The following TMPRSS5 variants were observed in gnomAD, a reference collection of about 807,000 sequenced individuals.
TMPRSS5 encodes transmembrane serine protease 5, also known as transmembrane protease serine 5.
TMPRSS5 carries 45 observed loss-of-function variants against 59.7 expected under a neutral mutation model. The ratio of observed to expected loss-of-function variants is 0.75; its 90% CI spans 0.59 to 0.97. TMPRSS5 has a LOEUF of 0.97. Among genes scored for constraint, TMPRSS5 ranks in the 50% least tolerant of loss-of-function variants. TMPRSS5 has a pLI of 0.00. For missense variants in TMPRSS5, 585 were observed against 596.7 expected (o/e 0.98, Z 0.20); for synonymous variants, 225 against 232.0 (o/e 0.97, Z 0.27).
At chr11:113,688,605 C>G (rs888325139) in intron 12 of TMPRSS5, among the ~76,000 whole-genome samples, 5 of 152,122 alleles carry the variant, frequency 3.3e-5, no homozygotes, top group African/African-American at 1.2e-4. Context: ...GAGTCCTGCT[C>G]TGTCGCCCAG....
At chr11:113,704,049 G>A (rs921568310) in intron 1 of TMPRSS5, among the ~76,000 whole-genome samples, 1 of 152,186 alleles carries the variant, frequency 6.6e-6, no homozygotes, top group Non-Finnish European at 1.5e-5. Flanking sequence ...CCACAGGGAT[G>A]AAGAGGGTTT....
At chr11:113,690,032 C>T in intron 11 of TMPRSS5, 115 bp from the exon 12 acceptor site, 1 of 1,288,244 alleles carries the variant, frequency 7.8e-7, no homozygotes. Flanking sequence ...CTGCTTCTAG[C>T]TGAGATATCT....
chr11:113,696,515 A>C (rs763132767), intron 6 of TMPRSS5, among the ~76,000 whole-genome samples: 1 of 152,226 alleles, frequency 6.6e-6, no homozygotes, highest in Non-Finnish European at 1.5e-5. Flanking sequence ...TCAAGGCTTG[A>C]CTTAGCTGCT....
In TMPRSS5 at chr11:113,694,381, G is replaced by C. The variant is rs1314928335; in HGVS notation, c.785+97C>G. 2.2e-6 allele frequency: 3 copies of C among 1,345,286 alleles called. No individual in the cohort carries two copies. In the East Asian group the frequency reaches 7.6e-5, roughly 34 times the overall value. 83.3% of individuals were successfully genotyped at this position (1,345,286 alleles called of 1,614,324 possible). A position where few individuals can be genotyped will look rare whatever the true frequency, so the allele number is the denominator to read the frequency against. On this transcript the variant is annotated intron_variant, in intron 8 of 12. Coordinates refer to ENST00000299882, the MANE Select transcript of TMPRSS5 (RefSeq NM_030770.4). ...CTTACCCTTTTGGAGCAAAAAGCTGGAGACAGTTGGACACGAACATTTGAT... is the reference window on the plus strand; with the variant it reads ...CTTACCCTTTTGGAGCAAAAAGCTGCAGACAGTTGGACACGAACATTTGAT...
Position 113,694,631 on chromosome 11 carries a change from G to A in TMPRSS5, c.632C>T (p.Ala211Val), listed in dbSNP as rs61995945. The stretch of plus-strand genomic sequence containing the variant: ...AACTATCCGGGAAGCCAGGGGCCTC[G>A]CTCCACACTCTGCCAACAGAGATGG... ...VVSLRCSECG[A>V]RPLASRIVGG... Residue 211 changes from alanine to valine, a missense_variant, in exon 8 of 13, where the codon GCG (alanine) becomes GTG (valine). Physicochemically the swap from Ala to Val is moderately conservative, Grantham distance 64. Coordinates refer to ENST00000299882, the MANE Select transcript of TMPRSS5 (RefSeq NM_030770.4). 1,267 of 1,546,798 alleles carry A rather than the reference G, an allele frequency of 8.2e-4. 13 individuals carry two copies. The African/African-American group carries it at 0.015, about 18-fold the overall frequency.
At chr11:113,688,388 T>G in intron 12 of TMPRSS5, 114 bp from the exon 13 acceptor site, 1 of 731,618 alleles carries the variant, frequency 1.4e-6, no homozygotes, top group Non-Finnish European at 2.4e-6. Context: ...TTCTATCAAA[T>G]GAGGCTAAAA....
At chr11:113,697,472 A>G (rs1044512911) in intron 4 of TMPRSS5, 54 bp from the exon 5 acceptor site, 2 of 1,591,968 alleles carry the variant, frequency 1.3e-6, no homozygotes, top group Non-Finnish European at 1.7e-6. Context: ...GTAGGGTGGG[A>G]CAGGAAGAGC....
At chr11:113,700,243 TC>T in intron 1 of TMPRSS5, 75 bp from the exon 2 acceptor site, 2 of 1,315,536 alleles carry the variant, frequency 1.5e-6, no homozygotes, top group Non-Finnish European at 1.0e-6. Flanking sequence ...CCAGTCCAAG[TC>T]CCCATTCTTT....
At position 113,693,099 on chromosome 11, in the gene TMPRSS5, C is replaced by T. The variant is rs769542823; in HGVS notation, c.936G>A (p.Leu312=). 1.9e-6 allele frequency: 3 copies of T among 1,581,912 alleles called. No individual in the cohort carries two copies. The highest frequency in any genetic ancestry group is 2.3e-5 in the South Asian group (2 of 86,248). Residue 312 remains leucine, a synonymous_variant, in exon 9 of 13, where the codon CTG becomes CTA. Transcript: ENST00000299882. ...AGAAGTTGAGAGCGGTCTGGAGCCT[C>T]AGGAGGGCGACGTCGTAGTCATGAT... ...AQNHDYDVAL[L]RLQTALNFSD...
intron 7 of TMPRSS5, among the ~76,000 whole-genome samples, 173 bp downstream of exon 7, chr11:113,695,227 C>A (rs1485322946): frequency 6.6e-6 from 1 of 152,110 alleles, no homozygotes; most frequent in Non-Finnish European, 1.5e-5. Flanking sequence ...AGAAAGGGTT[C>A]GGCTGGGGCA....
intron 1 of TMPRSS5, among the ~76,000 whole-genome samples, chr11:113,703,136 C>T (rs1953189649): frequency 2.0e-5 from 3 of 152,236 alleles, no homozygotes; most frequent in Admixed American, 2.0e-4. Flanking sequence ...TGAAAACAGC[C>T]AGAAGTGGGG....
At position 113,706,225 on chromosome 11, in the gene TMPRSS5, A is replaced by G. The variant is rs528970416; in HGVS notation, c.-1T>C. 1.7e-5 allele frequency: 28 copies of G among 1,601,856 alleles called. No homozygotes were observed. In the South Asian group the frequency reaches 3.2e-4, roughly 18 times the overall value. Reference sequence around the variant, plus strand: ...TGGCACAGAGACGTAACCTTACCATAGGGGTCAGTGGCACTGTTGTAAAGC... The same window carrying G: ...TGGCACAGAGACGTAACCTTACCATGGGGGTCAGTGGCACTGTTGTAAAGC... On this transcript the variant is annotated 5_prime_UTR_variant, in exon 1 of 13. Coordinates refer to ENST00000299882, the MANE Select transcript of TMPRSS5 (RefSeq NM_030770.4).
At chr11:113,697,655 C>A (rs1233247330) in intron 4 of TMPRSS5, among the ~76,000 whole-genome samples, 1 of 152,142 alleles carries the variant, frequency 6.6e-6, no homozygotes, top group Non-Finnish European at 1.5e-5. Context: ...CGTGGTCTAC[C>A]ATTCATTGTC....
intron 1 of TMPRSS5, among the ~76,000 whole-genome samples, chr11:113,701,803 T>C (rs1953145259): frequency 6.6e-6 from 1 of 152,076 alleles, no homozygotes; most frequent in South Asian, 2.1e-4. Flanking sequence ...TTTTTTATTT[T>C]ACTTTAACTT....
chr11:113,698,969 C>G lies in TMPRSS5; in HGVS notation c.264G>C (p.Glu88Asp). 6.2e-7 allele frequency: 1 copy of G among 1,606,232 alleles called. No individual in the cohort carries two copies. Among genetic ancestry groups the G allele is most frequent in the Non-Finnish European group, 8.5e-7 (1 of 1,176,452 alleles). The change falls in exon 4 of 13, where the codon GAG (glutamate) becomes GAC (aspartate). Residue 88 changes from glutamate (E) to aspartate (D), a missense_variant. Glu to Asp is a conservative substitution (Grantham distance 45). Transcript: ENST00000299882. The stretch of plus-strand genomic sequence containing the variant: ...TGGCCTCTGAGCAGCTCAAAGTTAT[C>G]TCCTCATCCTGCAAGGTCCCGGAAA... The part of the protein sequence containing the change: ...QPISGTLQDE[E>D]ITLSCSEASA...
At position 113,697,349 on chromosome 11, in the gene TMPRSS5, A is replaced by G. The variant is rs765167639; in HGVS notation, c.398T>C (p.Leu133Pro). The G allele has an allele frequency of 3.1e-6, 5 of 1,613,832 alleles. No homozygotes were observed. The highest frequency in any genetic ancestry group is 4.2e-6 in the Non-Finnish European group (5 of 1,179,714). ...AQVRDQPRWL[L>P]VCHEGWSPAL... ...GGGGCTCCAGCCCTCATGGCAGACC[A>G]GGAGCCAGCGTGGCTGATCCCTCAC... The change falls in exon 5 of 13, where the codon CTG (leucine) becomes CCG (proline). Residue 133 changes from leucine (L) to proline (P), a missense_variant. Coordinates refer to ENST00000299882, the MANE Select transcript of TMPRSS5 (RefSeq NM_030770.4).
At position 113,697,315 on chromosome 11, in the gene TMPRSS5, C is replaced by T; in HGVS notation, c.432G>A (p.Gly144=). 1.2e-6 allele frequency: 2 copies of T among 1,613,322 alleles called. No individual in the cohort carries two copies. Among genetic ancestry groups the T allele is most frequent in the South Asian group, 2.2e-5 (2 of 91,040 alleles). The part of the protein sequence containing the change: ...VCHEGWSPAL[G]LQICWSLGHL... ...GCCCAAGGCTCCAGCAGATCTGCAG[C>T]CCCAGGGCGGGGCTCCAGCCCTCAT... The change falls in exon 5 of 13, where the codon GGG becomes GGA. Residue 144 remains glycine (G), a synonymous_variant. Transcript: ENST00000299882.
chr11:113,689,977 GCACCAGAC>G, intron 11 of TMPRSS5, 60 bp from the exon 12 acceptor site: 1 of 1,457,606 alleles, frequency 6.9e-7, no homozygotes. Flanking sequence ...CTGATGGAGA[GCACCAGAC>G]CACTATGGCA....
intron 1 of TMPRSS5, among the ~76,000 whole-genome samples, chr11:113,704,977 A>C (rs1260929682): frequency 6.6e-6 from 1 of 152,154 alleles, no homozygotes; most frequent in Non-Finnish European, 1.5e-5. Flanking sequence ...TAAGTATAAT[A>C]ATATTAATAA....
Sources: allele counts gnomAD v4.1 joint callset (sites outside exome capture counted in the v4.1 genomes callset), GRCh38; gene constraint gnomAD v4.1.1; transcripts MANE v1.5; gene names NCBI Gene and HGNC (gene_info 2026-07-23, HGNC 2026-07-21).